Variants in DPH6 observed in about 807,000 individuals in gnomAD.
The protein encoded by DPH6 is diphthamine biosynthesis 6, also known as diphthine--ammonia ligase.
DPH6 carries 33 observed loss-of-function variants against 38.2 expected under a neutral mutation model. The ratio of observed to expected loss-of-function variants is 0.86; its 90% CI spans 0.65 to 1.15. The LOEUF is 1.15. DPH6 is among the 50% of genes most tolerant of loss of function. DPH6 has a pLI of 0.00. For missense variants in DPH6, 325 were observed against 320.0 expected (o/e 1.02, Z -0.12); for synonymous variants, 108 against 103.0 (o/e 1.05, Z -0.30).
At chr15:35,365,136 A>G (rs2052645913) in intron 3 of DPH6, among the ~76,000 whole-genome samples, 1 of 152,050 alleles carries the variant, frequency 6.6e-6, no homozygotes, top group Non-Finnish European at 1.5e-5. Context: ...AAGGACTGGT[A>G]ATATGACCCT....
intron 3 of DPH6, among the ~76,000 whole-genome samples, chr15:35,340,115 C>A (rs1028282057): frequency 2.0e-5 from 3 of 152,074 alleles, no homozygotes; most frequent in African/African-American, 7.2e-5. Flanking sequence ...TGAATCAAAC[C>A]CTTTACCATT....
At chr15:35,317,227 A>T (rs1223882981) in intron 3 of DPH6, among the ~76,000 whole-genome samples, 1 of 151,458 alleles carries the variant, frequency 6.6e-6, no homozygotes, top group Non-Finnish European at 1.5e-5. Flanking sequence ...CCACTGCACC[A>T]CTCCAGCCTG....
At chr15:35,447,473 C>T (rs941435499) in intron 5 of DPH6, among the ~76,000 whole-genome samples, 3 of 152,008 alleles carry the variant, frequency 2.0e-5, no homozygotes, top group African/African-American at 7.3e-5. Context: ...CTGTTTTGAC[C>T]CACACCCTTT....
chr15:35,511,876 A>G (rs1482760188), intron 3 of DPH6, among the ~76,000 whole-genome samples: 1 of 152,212 alleles, frequency 6.6e-6, no homozygotes, highest in African/African-American at 2.4e-5. Flanking sequence ...AGTAATAATT[A>G]CCACAAAATA....
intron 3 of DPH6, among the ~76,000 whole-genome samples, chr15:35,359,248 C>T (rs1210651242): frequency 6.6e-6 from 1 of 152,080 alleles, no homozygotes; most frequent in Non-Finnish European, 1.5e-5. Context: ...TCAACACCCC[C>T]CAGACTGTTT....
intron 3 of DPH6, among the ~76,000 whole-genome samples, chr15:35,522,505 TA>T (rs1042930432): frequency 6.6e-6 from 1 of 151,954 alleles, no homozygotes; most frequent in Non-Finnish European, 1.5e-5. Flanking sequence ...AAAAATTAAG[TA>T]AAATAAAATA....
intron 3 of DPH6, among the ~76,000 whole-genome samples, chr15:35,315,596 T>C (rs866959861): frequency 6.6e-6 from 1 of 152,302 alleles, no homozygotes; most frequent in African/African-American, 2.4e-5. Flanking sequence ...GGTGGGAATG[T>C]AAATTAGCAG....
chr15:35,340,842 A>T (rs1207002829), intron 3 of DPH6, among the ~76,000 whole-genome samples: 7 of 151,978 alleles, frequency 4.6e-5, no homozygotes, highest in Admixed American at 4.6e-4. Context: ...CAAGAATCTG[A>T]TGATTATGTG....
chr15:35,218,999 C>G (rs1416870332), exon 4 of DPH6: 2 of 152,092 alleles, frequency 1.3e-5, no homozygotes, highest in South Asian at 4.2e-4. Flanking sequence ...ATACAGTTTT[C>G]TTTTTAATTG....
intron 3 of DPH6, among the ~76,000 whole-genome samples, chr15:35,527,471 C>A (rs1336813018): frequency 2.6e-5 from 4 of 152,076 alleles, no homozygotes; most frequent in Admixed American, 6.6e-5. Flanking sequence ...TACTTATAAT[C>A]TTTAAACAAA....
Position 35,284,801 on chromosome 15 carries a change from ATT to A in DPH6, n.201-64221_201-64220del, listed in dbSNP as rs71123127. 0.017 allele frequency among the ~76,000 whole-genome samples: 1,323 copies of A among 79,142 alleles called. 18 individuals carry two copies. In the East Asian group the frequency reaches 0.22, roughly 13 times the overall value. 51.9% of individuals were successfully genotyped at this position (79,142 alleles called of 152,430 possible). ...GAAAATTCATGGGTGAAGTCTCCAAATTTTTTTTTTTTTTTTTTTTTTTTTTT... is the reference window on the plus strand; with the variant it reads ...GAAAATTCATGGGTGAAGTCTCCAAATTTTTTTTTTTTTTTTTTTTTTTTT... On this transcript the variant is annotated intron_variant and non_coding_transcript_variant, in intron 3 of 3. Transcript: ENST00000560386.
intron 6 of DPH6, among the ~76,000 whole-genome samples, chr15:35,403,959 T>TA (rs1159992325): frequency 6.6e-6 from 1 of 152,070 alleles, no homozygotes; most frequent in Non-Finnish European, 1.5e-5. Flanking sequence ...ATCCCACAAA[T>TA]AAGTGACAAT....
intron 5 of DPH6, among the ~76,000 whole-genome samples, chr15:35,420,248 C>CA (rs891753894): frequency 4.6e-5 from 7 of 151,464 alleles, no homozygotes; most frequent in African/African-American, 1.2e-4. Flanking sequence ...CATCTTGAGA[C>CA]AAAAAAAATG....
At chr15:35,271,786 C>T (rs571995624) in intron 3 of DPH6, among the ~76,000 whole-genome samples, 2 of 152,174 alleles carry the variant, frequency 1.3e-5, no homozygotes, top group South Asian at 2.1e-4. Flanking sequence ...AGCTACGCTG[C>T]GAGGTAGAGC....
At chr15:35,195,864 T>C in the DPH6 span, among the ~76,000 whole-genome samples, 1 of 151,990 alleles carries the variant, frequency 6.6e-6, no homozygotes. Flanking sequence ...CCCCACCTAC[T>C]GGTTGATCCT....
At chr15:35,262,244 A>C (rs1191981830) in intron 3 of DPH6, among the ~76,000 whole-genome samples, 1 of 152,216 alleles carries the variant, frequency 6.6e-6, no homozygotes, top group African/African-American at 2.4e-5. Context: ...TCCCATTTAA[A>C]AAGTGGTATC....
At chr15:35,348,795 CT>C (rs748099288) in intron 3 of DPH6, among the ~76,000 whole-genome samples, 4 of 152,004 alleles carry the variant, frequency 2.6e-5, no homozygotes, top group Non-Finnish European at 5.9e-5. Context: ...ATGTCTTCCC[CT>C]TTATTTGTGT....
At chr15:35,489,881 T>C (rs2054454074) in intron 3 of DPH6, 1 of 967,068 alleles carries the variant, frequency 1.0e-6, no homozygotes, top group Non-Finnish European at 1.2e-6. Context: ...TTTTAATGTT[T>C]TATACATTTT....
the DPH6 span, among the ~76,000 whole-genome samples, chr15:35,196,438 G>A: frequency 6.6e-6 from 1 of 152,136 alleles, no homozygotes; most frequent in African/African-American, 2.4e-5. Context: ...CCCACTAGCT[G>A]GAACTCTGCT....
Sources: gnomAD v4.1 joint callset for allele counts (sites outside exome capture counted in the v4.1 genomes callset) on GRCh38, gnomAD v4.1.1 for gene constraint, MANE v1.5 for transcripts, NCBI Gene and HGNC (gene_info 2026-07-23, HGNC 2026-07-21) for gene names.